Variants in KCNJ6 observed in about 807,000 individuals in gnomAD.
KCNJ6 encodes G protein-activated inward rectifier potassium channel 2.
In KCNJ6, 9 loss-of-function variants were observed where a neutral mutation model predicts 34.2. The observed-to-expected ratio is 0.26, with a 90% CI of 0.16 to 0.46. The LOEUF (loss-of-function observed/expected upper bound fraction) is 0.46, where lower values mean the gene tolerates loss of function less well. KCNJ6 is among the 20% of genes least tolerant of loss of function. The pLI, the probability that KCNJ6 is intolerant of heterozygous loss-of-function variation, is 1.00. For synonymous variants in KCNJ6, 196 were observed against 207.1 expected (o/e 0.95, Z 0.46); for missense variants, 236 against 531.3 (o/e 0.44, Z 5.46).
At chr21:37,785,347 C>G (rs1428474766) in intron 2 of KCNJ6, among the ~76,000 whole-genome samples, 1 of 152,180 alleles carries the variant, frequency 6.6e-6, no homozygotes, top group Non-Finnish European at 1.5e-5. Context: ...TTTAGACAAG[C>G]ACTGCTTAAG....
At position 37,607,479 on chromosome 21, in the gene KCNJ6, TA is replaced by T. The variant is rs1255608767; in HGVS notation, c.*17679del. The stretch of plus-strand genomic sequence containing the variant: ...GTTCTTAAAGATATATATATATATA[TA>T]TATTTTTTTTTTATTTTAAAAAAAT... On this transcript the variant is annotated 3_prime_UTR_variant, in exon 4 of 4. Coordinates refer to ENST00000609713, the MANE Select transcript of KCNJ6 (RefSeq NM_002240.5). 9.6e-5 allele frequency: 13 copies of T among 135,392 alleles called. No individual in the cohort carries two copies. The East Asian group carries it at 1.3e-3, about 13-fold the overall frequency. The allele number at this position is 135,392 out of a possible 1,614,324, so 8.4% of individuals were successfully genotyped here. A position where few individuals can be genotyped will look rare whatever the true frequency, so the allele number is the denominator to read the frequency against.
intron 2 of KCNJ6, among the ~76,000 whole-genome samples, chr21:37,783,523 T>A (rs1188124979): frequency 6.6e-6 from 1 of 152,178 alleles, no homozygotes; most frequent in Non-Finnish European, 1.5e-5. Context: ...CCCAGCCACA[T>A]GGAACTGTAA....
At chr21:37,710,216 G>T (rs911770466) in intron 3 of KCNJ6, among the ~76,000 whole-genome samples, 1 of 152,226 alleles carries the variant, frequency 6.6e-6, no homozygotes, top group Admixed American at 6.5e-5. Context: ...TTGGAAGTTT[G>T]AACACTTGGT....
At chr21:37,848,346 A>C (rs2055520568) in intron 1 of KCNJ6, among the ~76,000 whole-genome samples, 1 of 152,266 alleles carries the variant, frequency 6.6e-6, no homozygotes, top group African/African-American at 2.4e-5. Context: ...TGATATACTC[A>C]GTTAAAGTTT....
At chr21:37,801,129 T>C (rs987564057) in intron 2 of KCNJ6, among the ~76,000 whole-genome samples, 6 of 152,224 alleles carry the variant, frequency 3.9e-5, no homozygotes, top group African/African-American at 1.4e-4. Flanking sequence ...GCATATCATC[T>C]GGATTTTTGA....
chr21:37,729,787 C>T (rs2054874883), intron 2 of KCNJ6, among the ~76,000 whole-genome samples: 1 of 152,224 alleles, frequency 6.6e-6, no homozygotes, highest in African/African-American at 2.4e-5. Context: ...AATGCTTCCC[C>T]TGCCAAGACA....
intron 1 of KCNJ6, among the ~76,000 whole-genome samples, chr21:37,854,382 A>C (rs1224704757): frequency 6.6e-6 from 1 of 152,196 alleles, no homozygotes; most frequent in East Asian, 1.9e-4. Flanking sequence ...TATTACGTTA[A>C]GTGAAGTAAG....
At chr21:37,691,643 G>T (rs2054640249) in intron 3 of KCNJ6, among the ~76,000 whole-genome samples, 1 of 152,126 alleles carries the variant, frequency 6.6e-6, no homozygotes, top group Non-Finnish European at 1.5e-5. Flanking sequence ...CAGTGATTAC[G>T]GTCTCTGTTC....
At chr21:37,910,521 A>T (rs937040554) in intron 1 of KCNJ6, among the ~76,000 whole-genome samples, 1 of 152,226 alleles carries the variant, frequency 6.6e-6, no homozygotes, top group African/African-American at 2.4e-5. Flanking sequence ...AGTCCCACAG[A>T]ACAGTTGTTG....
intron 2 of KCNJ6, among the ~76,000 whole-genome samples, chr21:37,804,857 G>C (rs935001385): frequency 3.3e-5 from 5 of 152,012 alleles, no homozygotes; most frequent in Admixed American, 1.3e-4. Flanking sequence ...CTTTACTATA[G>C]TGAGTAGGCA....
chr21:37,645,275 G>A lies in KCNJ6; in HGVS notation c.947-19791C>T, dbSNP rs188660424. On this transcript the variant is annotated intron_variant, in intron 3 of 3. Coordinates refer to ENST00000609713, the MANE Select transcript of KCNJ6 (RefSeq NM_002240.5). ...CTCAGGAGGGGAGGCTGAATAGGGA[G>A]GATTGCTTGAACCCCAGAGGTCGAG... Among the ~76,000 whole-genome samples the A allele has an allele frequency of 4.5e-3, 677 of 152,134 alleles. 3 individuals carry two copies. Among genetic ancestry groups the A allele is most frequent in the African/African-American group, 0.015 (615 of 41,496 alleles).
At chr21:37,915,606 G>T (rs1219692539) in intron 1 of KCNJ6, among the ~76,000 whole-genome samples, 1 of 152,224 alleles carries the variant, frequency 6.6e-6, no homozygotes, top group Non-Finnish European at 1.5e-5. Flanking sequence ...AACTGACTGG[G>T]TTTCTGCGAG....
chr21:37,868,488 A>G (rs547214333), intron 1 of KCNJ6, among the ~76,000 whole-genome samples: 2 of 152,230 alleles, frequency 1.3e-5, no homozygotes, highest in Non-Finnish European at 2.9e-5. Context: ...TTCTCTTACC[A>G]TCTAGAGGCT....
chr21:37,902,409 G>A (rs2055821309), intron 1 of KCNJ6, among the ~76,000 whole-genome samples: 1 of 152,040 alleles, frequency 6.6e-6, no homozygotes, highest in African/African-American at 2.4e-5. Context: ...ACAGTATTTT[G>A]GTGTTTTATT....
At chr21:37,633,442 T>C (rs948776465) in intron 3 of KCNJ6, among the ~76,000 whole-genome samples, 12 of 152,072 alleles carry the variant, frequency 7.9e-5, no homozygotes, top group Non-Finnish European at 1.5e-4. Flanking sequence ...TGCTATCACC[T>C]TTTCTATTCA....
chr21:37,705,178 A>T (rs2054713214), intron 3 of KCNJ6, among the ~76,000 whole-genome samples: 1 of 152,178 alleles, frequency 6.6e-6, no homozygotes, highest in Non-Finnish European at 1.5e-5. Context: ...AATGAACTCG[A>T]ATCAATAACC....
At chr21:37,853,847 T>TGTATATATATATATATATATAC (rs1555850321) in intron 1 of KCNJ6, among the ~76,000 whole-genome samples, 1,326 of 40,134 alleles carry the variant, frequency 0.033, 41 homozygotes, top group African/African-American at 0.075. Context: ...TATATATATG[T>TGTATATATATATATATATATAC]ATATATATAT....
chr21:37,888,857 C>G (rs1419002837), intron 1 of KCNJ6, among the ~76,000 whole-genome samples: 1 of 152,228 alleles, frequency 6.6e-6, no homozygotes, highest in Non-Finnish European at 1.5e-5. Flanking sequence ...GGACAAGCAG[C>G]CAGGCCATGC....
intron 2 of KCNJ6, among the ~76,000 whole-genome samples, chr21:37,763,340 G>A (rs915968531): frequency 2.0e-5 from 3 of 152,186 alleles, no homozygotes; most frequent in African/African-American, 4.8e-5. Flanking sequence ...GTGGTAAGGA[G>A]GTGATTCCCT....
Sources: allele counts gnomAD v4.1 joint callset (sites outside exome capture counted in the v4.1 genomes callset), GRCh38; gene constraint gnomAD v4.1.1; transcripts MANE v1.5; gene names NCBI Gene and HGNC (gene_info 2026-07-23, HGNC 2026-07-21).